PIK3C2G: variants seen among roughly 807,000 people sequenced by gnomAD.
The protein encoded by PIK3C2G is phosphatidylinositol 3-kinase C2 domain-containing subunit gamma.
PIK3C2G carries 168 observed loss-of-function variants against 181.1 expected under a neutral mutation model. That is an observed-to-expected ratio of 0.93 (90% CI 0.82 to 1.05). The LOEUF (loss-of-function observed/expected upper bound fraction) is 1.05. PIK3C2G is among the 50% of genes least tolerant of loss of function. The pLI, the probability that PIK3C2G is intolerant of heterozygous loss-of-function variation, is 0.00. For synonymous variants in PIK3C2G, 573 were observed against 592.2 expected (o/e 0.97, Z 0.47); for missense variants, 1,869 against 1,732.8 (o/e 1.08, Z -1.40).
intron 18 of PIK3C2G, among the ~76,000 whole-genome samples, chr12:18,468,879 T>C (rs1344587071): frequency 6.6e-6 from 1 of 152,002 alleles, no homozygotes; most frequent in Non-Finnish European, 1.5e-5. Context: ...GACCAGAAAA[T>C]GAGTCAAACC....
chr12:18,339,841 G>A (rs1938955093), intron 9 of PIK3C2G, among the ~76,000 whole-genome samples: 1 of 152,040 alleles, frequency 6.6e-6, no homozygotes. Context: ...AGTCATGGAG[G>A]TATACCACAA....
chr12:18,646,811 C>T (rs11044234), intron 32 of PIK3C2G, among the ~76,000 whole-genome samples: 21,573 of 151,968 alleles, frequency 0.14, 1,967 homozygotes, highest in East Asian at 0.41. Flanking sequence ...AATTTCTTAG[C>T]GGTACTATGC....
intron 31 of PIK3C2G, among the ~76,000 whole-genome samples, chr12:18,625,707 T>C (rs1949067267): frequency 6.6e-6 from 1 of 151,878 alleles, no homozygotes; most frequent in Non-Finnish European, 1.5e-5. Context: ...TCTTCCACTG[T>C]TAGAAGCATA....
chr12:18,261,905 G>T (rs2136998643), intron 1 of PIK3C2G, among the ~76,000 whole-genome samples: 1 of 152,116 alleles, frequency 6.6e-6, no homozygotes, highest in Middle Eastern at 3.4e-3. Flanking sequence ...CATTTCATCA[G>T]AGCCTTGAGC....
At chr12:18,337,659 A>G (rs1167202084) in intron 8 of PIK3C2G, among the ~76,000 whole-genome samples, 3 of 152,014 alleles carry the variant, frequency 2.0e-5, no homozygotes, top group Admixed American at 2.0e-4. Context: ...ATTTTAAACA[A>G]CCAGATTTTG....
chr12:18,645,464 C>T (rs1950076553), intron 32 of PIK3C2G, among the ~76,000 whole-genome samples: 1 of 152,052 alleles, frequency 6.6e-6, no homozygotes, highest in Non-Finnish European at 1.5e-5. Flanking sequence ...TTTGGAAGTT[C>T]AAATGTTTGT....
intron 32 of PIK3C2G, among the ~76,000 whole-genome samples, chr12:18,641,896 C>A (rs1949861591): frequency 6.6e-6 from 1 of 152,030 alleles, no homozygotes; most frequent in Non-Finnish European, 1.5e-5. Context: ...ATTACAAGCT[C>A]CCACCACCAC....
At chr12:18,650,983 A>G (rs2136891885), downstream of PIK3C2G, among the ~76,000 whole-genome samples, 1 of 151,848 alleles carries the variant, frequency 6.6e-6, no homozygotes, top group South Asian at 2.1e-4. Context: ...GAATGGTTAT[A>G]TCATTCTTCT....
At chr12:18,571,295 G>A (rs1592613100) in intron 29 of PIK3C2G, among the ~76,000 whole-genome samples, 1 of 150,512 alleles carries the variant, frequency 6.6e-6, no homozygotes, top group South Asian at 2.1e-4. Context: ...AATGTTTTAT[G>A]ATCCTAAATA....
chr12:18,676,342 T>A, the PIK3C2G span, among the ~76,000 whole-genome samples: 1 of 152,074 alleles, frequency 6.6e-6, no homozygotes, highest in African/African-American at 2.4e-5. Context: ...ACTTTGTAAC[T>A]GAAAGAATCT....
rs564870250 is a variant in PIK3C2G at position 18,482,810 on chromosome 12, G to A, written c.2505-5639G>A. ...GACTTTGAAAGGATAAGTGGACATC[G>A]TGGACTCACTCTATTCCTCACTGGG... On this transcript the variant is annotated intron_variant, in intron 18 of 32. Transcript: ENST00000538779. 2.6e-4 allele frequency among the ~76,000 whole-genome samples: 39 copies of A among 152,228 alleles called. No individual in the cohort carries two copies. In the South Asian group the frequency reaches 7.5e-3, roughly 29 times the overall value.
At chr12:18,350,373 T>C (rs1940108478) in intron 11 of PIK3C2G, among the ~76,000 whole-genome samples, 1 of 152,138 alleles carries the variant, frequency 6.6e-6, no homozygotes, top group South Asian at 2.1e-4. Context: ...AAAATAATTA[T>C]GCAAAAATGC....
chr12:18,380,184 T>A (rs897620374), intron 13 of PIK3C2G, among the ~76,000 whole-genome samples: 1 of 152,150 alleles, frequency 6.6e-6, no homozygotes, highest in African/African-American at 2.4e-5. Flanking sequence ...CTGGGACGCC[T>A]ATGTCCGCCG....
chr12:18,593,082 C>G (rs1947171006), intron 29 of PIK3C2G, among the ~76,000 whole-genome samples: 1 of 151,886 alleles, frequency 6.6e-6, no homozygotes, highest in South Asian at 2.1e-4. Context: ...TCCTATGTCT[C>G]TTCACCTTGT....
chr12:18,635,723 G>C (rs1319719859), intron 31 of PIK3C2G, among the ~76,000 whole-genome samples: 3 of 152,296 alleles, frequency 2.0e-5, no homozygotes, highest in Non-Finnish European at 2.9e-5. Context: ...TGGCAAAGCA[G>C]CTTGCACAGC....
rs1940717398 is a variant in PIK3C2G at position 18,356,277 on chromosome 12, G to T, written c.1626-6487G>T. 2.6e-5 allele frequency among the ~76,000 whole-genome samples: 4 copies of T among 152,264 alleles called. No individual in the cohort carries two copies. The South Asian group carries it at 8.3e-4, about 32-fold the overall frequency. ...GGCAAGCCCCCCGATGAAACGGGAT[G>T]GTTCCCTTGACCCCTTCACAGGATT... On this transcript the variant is annotated intron_variant, in intron 11 of 32. Transcript: ENST00000538779.
chr12:18,585,181 C>T (rs1946706521), intron 29 of PIK3C2G, among the ~76,000 whole-genome samples: 1 of 152,058 alleles, frequency 6.6e-6, no homozygotes, highest in Admixed American at 6.6e-5. Flanking sequence ...AGGATCAAAT[C>T]CACATGTAAC....
chr12:18,557,535 G>A (rs1945075526), intron 26 of PIK3C2G, among the ~76,000 whole-genome samples: 3 of 151,920 alleles, frequency 2.0e-5, no homozygotes, highest in Admixed American at 6.6e-5. Flanking sequence ...AAAACATTAC[G>A]CTTAACAGTA....
chr12:18,305,165 C>CA (rs545645197), intron 5 of PIK3C2G, among the ~76,000 whole-genome samples: 47 of 152,300 alleles, frequency 3.1e-4, no homozygotes, highest in Non-Finnish European at 5.3e-4. Context: ...TACAAACCTG[C>CA]ATTTGGTCTT....
Sources: gnomAD v4.1 joint callset for allele counts (sites outside exome capture counted in the v4.1 genomes callset) on GRCh38, gnomAD v4.1.1 for gene constraint, MANE v1.5 for transcripts, NCBI Gene and HGNC (gene_info 2026-07-23, HGNC 2026-07-21) for gene names.